Variants in KCNG3 observed in about 807,000 individuals in gnomAD.
KCNG3 encodes potassium voltage-gated channel modifier subfamily G member 3, also known as voltage-gated potassium channel regulatory subunit KCNG3.
KCNG3 carries 15 observed loss-of-function variants against 29.0 expected under a neutral mutation model. The observed-to-expected ratio is 0.52, with a 90% CI of 0.35 to 0.80. The LOEUF is 0.80. KCNG3 is among the 30% of genes least tolerant of loss of function. KCNG3 has a pLI of 0.01. For missense variants in KCNG3, 512 were observed against 605.7 expected (o/e 0.85, Z 1.62); for synonymous variants, 322 against 248.9 (o/e 1.29, Z -2.76).
At chr2:42,415,904 G>C in the KCNG3 span, among the ~76,000 whole-genome samples, 1 of 152,198 alleles carries the variant, frequency 6.6e-6, no homozygotes, top group African/African-American at 2.4e-5. Flanking sequence ...CATAGAAGTA[G>C]AGAGTAGAGG....
chr2:42,413,469 G>A, the KCNG3 span, among the ~76,000 whole-genome samples: 3 of 152,000 alleles, frequency 2.0e-5, no homozygotes, highest in African/African-American at 7.2e-5. Context: ...CATTCTACCA[G>A]ACTGATAAAA....
Position 42,442,882 on chromosome 2 carries a change from C to T in KCNG3, c.*1052G>A, listed in dbSNP as rs948461988. On this transcript the variant is annotated 3_prime_UTR_variant, in exon 2 of 2. Transcript: ENST00000306078. ...AGATCAAATCATTATGTATCCATCG[C>T]TTTTACTGGCTTAAAATTGACTTAG... 1 of 152,094 alleles carries T rather than the reference C, an allele frequency of 6.6e-6. No individual in the cohort carries two copies. The highest frequency in any genetic ancestry group is 1.5e-5 in the Non-Finnish European group (1 of 67,990). 9.4% of individuals were successfully genotyped at this position (152,094 alleles called of 1,614,324 possible).
chr2:42,450,057 A>G (rs2103670751), intron 1 of KCNG3, among the ~76,000 whole-genome samples: 1 of 152,268 alleles, frequency 6.6e-6, no homozygotes, highest in South Asian at 2.1e-4. Context: ...CAGCTCTAAA[A>G]TCCTAAGATT....
Position 42,466,982 on chromosome 2 carries a change from A to C in KCNG3, c.666-22403T>G, listed in dbSNP as rs183364052. ...TGGCCGGGCTGGTCTCCAACTCTTG[A>C]CCTCAGGTGATCCGCCCGCCTCGGC... On this transcript the variant is annotated intron_variant, in intron 1 of 1. Coordinates refer to ENST00000306078, the MANE Select transcript of KCNG3 (RefSeq NM_133329.6). 1.3e-4 allele frequency among the ~76,000 whole-genome samples: 19 copies of C among 151,912 alleles called. No individual in the cohort carries two copies. In the East Asian group the frequency reaches 2.9e-3, roughly 23 times the overall value.
At chr2:42,460,653 T>A (rs1672992755) in intron 1 of KCNG3, among the ~76,000 whole-genome samples, 1 of 152,184 alleles carries the variant, frequency 6.6e-6, no homozygotes, top group Non-Finnish European at 1.5e-5. Flanking sequence ...GCCAGATACC[T>A]GATGAAGTAA....
At chr2:42,491,309 C>G (rs1006772287) in intron 1 of KCNG3, among the ~76,000 whole-genome samples, 6 of 152,088 alleles carry the variant, frequency 3.9e-5, no homozygotes, top group African/African-American at 1.4e-4. Context: ...CCTCCCTCCC[C>G]CTAAGATTAT....
chr2:42,477,077 A>G (rs1673444958), intron 1 of KCNG3, among the ~76,000 whole-genome samples: 1 of 150,740 alleles, frequency 6.6e-6, no homozygotes, highest in African/African-American at 2.4e-5. Flanking sequence ...CTGTAGTCCC[A>G]GCTGCTCAGG....
chr2:42,394,473 A>C, the KCNG3 span, among the ~76,000 whole-genome samples: 4 of 152,158 alleles, frequency 2.6e-5, no homozygotes, highest in Non-Finnish European at 4.4e-5. Flanking sequence ...GACCCTTGTC[A>C]CACCTACACC....
chr2:42,441,070 C>T (rs1177609367), downstream of KCNG3, among the ~76,000 whole-genome samples: 1 of 152,042 alleles, frequency 6.6e-6, no homozygotes, highest in Non-Finnish European at 1.5e-5. Context: ...AGAAGTGATA[C>T]TTAATGGTTT....
chr2:42,439,459 C>T (rs767249515), downstream of KCNG3, among the ~76,000 whole-genome samples: 18 of 151,614 alleles, frequency 1.2e-4, no homozygotes, highest in Non-Finnish European at 1.6e-4. Flanking sequence ...GACAGGGTTT[C>T]GCTATGTTGG....
At chr2:42,491,882 A>G (rs1007584839) in intron 1 of KCNG3, among the ~76,000 whole-genome samples, 13 of 152,336 alleles carry the variant, frequency 8.5e-5, no homozygotes, top group Middle Eastern at 3.4e-3. Context: ...GAGGATCTTA[A>G]GACAGTGTCA....
At chr2:42,426,271 A>G in the KCNG3 span, among the ~76,000 whole-genome samples, 2 of 152,218 alleles carry the variant, frequency 1.3e-5, no homozygotes, top group Non-Finnish European at 2.9e-5. Flanking sequence ...ATGTCACACA[A>G]ATTGAGCTGA....
chr2:42,446,775 A>G (rs1672607541), intron 1 of KCNG3, among the ~76,000 whole-genome samples: 2 of 152,156 alleles, frequency 1.3e-5, no homozygotes, highest in Admixed American at 6.5e-5. Flanking sequence ...AACTTTATTA[A>G]CTTTTATTTT....
intron 1 of KCNG3, among the ~76,000 whole-genome samples, chr2:42,455,617 A>G (rs1047011071): frequency 1.3e-5 from 2 of 152,102 alleles, no homozygotes; most frequent in African/African-American, 4.8e-5. Context: ...AAAATTTTCA[A>G]AAAATTAGCC....
At chr2:42,471,476 T>A (rs190382236) in intron 1 of KCNG3, among the ~76,000 whole-genome samples, 220 of 152,208 alleles carry the variant, frequency 1.4e-3, no homozygotes, top group African/African-American at 5.0e-3. Flanking sequence ...AGCAGATGGT[T>A]GTCAGGGTAT....
chr2:42,457,658 C>CACACACACAT (rs1672912295), intron 1 of KCNG3, among the ~76,000 whole-genome samples: 1 of 150,710 alleles, frequency 6.6e-6, no homozygotes, highest in South Asian at 2.1e-4. Flanking sequence ...CACACACACA[C>CACACACACAT]ACACACACAC....
chr2:42,440,471 CTGTT>C (rs1260765181), downstream of KCNG3: 2 of 111,330 alleles, frequency 1.8e-5, no homozygotes, highest in African/African-American at 7.1e-5. Flanking sequence ...ATCTTTTTGT[CTGTT>C]TTCTTTAAAA....
the KCNG3 span, among the ~76,000 whole-genome samples, chr2:42,410,704 CA>C: frequency 7.2e-5 from 11 of 152,104 alleles, no homozygotes; most frequent in Admixed American, 3.3e-4. Context: ...TTTTAAAAAA[CA>C]TTTTTTTAAG....
intron 1 of KCNG3, among the ~76,000 whole-genome samples, chr2:42,481,583 C>T (rs1448388827): frequency 6.6e-6 from 1 of 152,166 alleles, no homozygotes; most frequent in Non-Finnish European, 1.5e-5. Flanking sequence ...AAATCCTTAA[C>T]AAATGGTAAA....
Sources: gnomAD v4.1 joint callset for allele counts (sites outside exome capture counted in the v4.1 genomes callset) on GRCh38, gnomAD v4.1.1 for gene constraint, MANE v1.5 for transcripts, NCBI Gene and HGNC (gene_info 2026-07-23, HGNC 2026-07-21) for gene names.